The following MYCBPAP variants were observed in gnomAD, a reference collection of about 807,000 sequenced individuals.
The protein encoded by MYCBPAP is MYCBP-associated protein.
MYCBPAP carries 60 observed loss-of-function variants against 106.1 expected under a neutral mutation model. The observed-to-expected ratio is 0.57, with a 90% CI of 0.46 to 0.70. MYCBPAP has a LOEUF of 0.70. Ranked by LOEUF, MYCBPAP falls within the 30% of genes least tolerant of loss-of-function variation. The pLI, the probability that MYCBPAP is intolerant of heterozygous loss-of-function variation, is 0.00. For synonymous variants in MYCBPAP, 407 were observed against 440.6 expected (o/e 0.92, Z 0.95); for missense variants, 1,064 against 1,169.3 (o/e 0.91, Z 1.31).
chr17:50,516,495 T>C (rs2034056316), intron 1 of MYCBPAP, 75 bp from the exon 2 acceptor site: 6 of 1,511,924 alleles, frequency 4.0e-6, no homozygotes, highest in African/African-American at 1.4e-5. Flanking sequence ...ATTTTTACTT[T>C]TATTTTTGTA....
intron 1 of MYCBPAP, 94 bp from the exon 2 acceptor site, chr17:50,516,476 C>G: frequency 7.1e-7 from 1 of 1,403,464 alleles, no homozygotes; most frequent in Non-Finnish European, 9.5e-7. Context: ...ACCATGGAGT[C>G]TAGTATATAT....
At chr17:50,509,069 G>A (rs1260051181) in intron 1 of MYCBPAP, 2 of 702,916 alleles carry the variant, frequency 2.8e-6, no homozygotes, top group African/African-American at 1.7e-5. Flanking sequence ...AGGATCCCCG[G>A]ACTGGATGAA....
Position 50,528,164 on chromosome 17 carries a change from G to C in MYCBPAP, c.2301G>C (p.Leu767=), listed in dbSNP as rs1237388162. Reference sequence around the variant, plus strand: ...GTGTCTTGCCCTCTAGTTTGCAGCTGTGGCGAGATGTGATTGACAGCCTGG... The same window carrying C: ...GTGTCTTGCCCTCTAGTTTGCAGCTCTGGCGAGATGTGATTGACAGCCTGG... The part of the protein sequence containing the change: ...SNLLHQMCLQ[L]WRDVIDSLVG... Residue 767 remains leucine, a synonymous_variant, in exon 16 of 19, where the codon CTG becomes CTC. Transcript: ENST00000323776. 6.2e-7 allele frequency: 1 copy of C among 1,614,088 alleles called. No homozygotes were observed. Among genetic ancestry groups the C allele is most frequent in the Admixed American group, 1.7e-5 (1 of 60,014 alleles).
chr17:50,528,905 G>A, intron 17 of MYCBPAP, 65 bp downstream of exon 17: 1 of 1,602,288 alleles, frequency 6.2e-7, no homozygotes, highest in Non-Finnish European at 8.5e-7. Flanking sequence ...TGCGGAGGTG[G>A]GGGCTGTGGA....
chr17:50,529,063 G>A lies in MYCBPAP; in HGVS notation c.2599G>A (p.Val867Ile). The A allele has an allele frequency of 6.2e-7, 1 of 1,614,144 alleles. No homozygotes were observed. The highest frequency in any genetic ancestry group is 8.5e-7 in the Non-Finnish European group (1 of 1,180,036). ...GCACAAGGCAAAGGATGACAAGAAA[G>A]TCATAAAATCTGCAAGTCAGGACAG... ...KKHKAKDDKK[V>I]IKSASQDRFS... Residue 867 changes from valine (V) to isoleucine (I), a missense_variant, in exon 18 of 19, where the codon GTC (valine) becomes ATC (isoleucine). Coordinates refer to ENST00000323776, the MANE Select transcript of MYCBPAP (RefSeq NM_032133.6).
intron 11 of MYCBPAP, 38 bp from the exon 12 acceptor site, chr17:50,523,559 C>T (rs758859429): frequency 1.2e-6 from 2 of 1,607,596 alleles, no homozygotes; most frequent in Non-Finnish European, 1.7e-6. Flanking sequence ...TCAGCCAGCT[C>T]CTGCATGTTG....
rs372372435 is a variant in MYCBPAP at position 50,517,418 on chromosome 17, T to G, written c.330T>G (p.Asn110Lys). Residue 110 changes from asparagine to lysine, a missense_variant, in exon 3 of 19, where the codon AAT becomes AAG. Asn to Lys is a moderately conservative substitution (Grantham distance 94, BLOSUM62 0). Transcript: ENST00000323776. ...KVCHLVARPA[N>K]PDEATKPLDY... The stretch of plus-strand genomic sequence containing the variant: ...GCCACCTTGTAGCACGTCCTGCGAA[T>G]CCTGATGAAGCCACAAAGCCTCTGG... 3.7e-6 allele frequency: 6 copies of G among 1,614,070 alleles called. No individual in the cohort carries two copies. The highest frequency in any genetic ancestry group is 5.1e-6 in the Non-Finnish European group (6 of 1,180,032).
Position 50,517,305 on chromosome 17 carries a change from C to T in MYCBPAP, c.217C>T (p.Arg73Cys), listed in dbSNP as rs373757291. 40 of 1,613,974 alleles carry T rather than the reference C, an allele frequency of 2.5e-5. No individual in the cohort carries two copies. The highest frequency in any genetic ancestry group is 1.1e-4 in the South Asian group (10 of 91,072). The change falls in exon 3 of 19, where the codon CGC becomes TGC. Residue 73 changes from arginine to cysteine, a missense_variant. Arg to Cys is a radical substitution (Grantham distance 180). Coordinates refer to ENST00000323776, the MANE Select transcript of MYCBPAP (RefSeq NM_032133.6). The part of the protein sequence containing the change: ...KEDLKEQHIP[R>C]LTEKEDKRVI... ...TATTTCTTTTTAGCAACACATTCCT[C>T]GCCTTACTGAAAAGGAAGATAAACG... is the stretch of plus-strand genomic sequence containing the variant.
At position 50,518,964 on chromosome 17, in the gene MYCBPAP, C is replaced by T. The variant is rs1409217544; in HGVS notation, c.653-10C>T. 2 of 1,611,710 alleles carry T rather than the reference C, an allele frequency of 1.2e-6. No homozygotes were observed. Among genetic ancestry groups the T allele is most frequent in the Non-Finnish European group, 1.7e-6 (2 of 1,178,360 alleles). ...CGGCAGAGTGGCGGCAATCTTGCCT[C>T]TCTCTCTAGAACACCTAAAGAAGCC... On this transcript the variant is annotated splice_polypyrimidine_tract_variant and intron_variant, in intron 5 of 18. Coordinates refer to ENST00000323776, the MANE Select transcript of MYCBPAP (RefSeq NM_032133.6).
intron 12 of MYCBPAP, among the ~76,000 whole-genome samples, chr17:50,524,515 C>T (rs2034385360): frequency 6.6e-6 from 1 of 152,150 alleles, no homozygotes; most frequent in Non-Finnish European, 1.5e-5. Flanking sequence ...TGAAGGTTCA[C>T]CACCATCCTC....
intron 18 of MYCBPAP, chr17:50,530,160 G>C (rs2034588078): frequency 2.5e-6 from 1 of 393,800 alleles, no homozygotes; most frequent in African/African-American, 2.1e-5. Flanking sequence ...AGGACCCATG[G>C]GGGTCAACGT....
chr17:50,509,245 C>T, intron 1 of MYCBPAP: 1 of 683,054 alleles, frequency 1.5e-6, no homozygotes, highest in South Asian at 1.5e-5. Context: ...CTGGAAAAAC[C>T]CAGAAGAAAG....
intron 14 of MYCBPAP, 40 bp from the exon 15 acceptor site, chr17:50,527,246 CT>C (rs1597847498): frequency 6.2e-7 from 1 of 1,612,050 alleles, no homozygotes; most frequent in African/African-American, 1.3e-5. Context: ...AGGACACAGC[CT>C]TGGTGTCCTG....
In MYCBPAP at chr17:50,523,093, A is replaced by G; in HGVS notation, c.1412A>G (p.Asn471Ser). 1 of 1,614,000 alleles carries G rather than the reference A, an allele frequency of 6.2e-7. No individual in the cohort carries two copies. Among genetic ancestry groups the G allele is most frequent in the Non-Finnish European group, 8.5e-7 (1 of 1,179,932 alleles). Residue 471 changes from asparagine to serine, a missense_variant, in exon 11 of 19, where the codon AAC (asparagine) becomes AGC (serine). Physicochemically the swap from Asn to Ser is conservative, Grantham distance 46 (BLOSUM62 1). Coordinates refer to ENST00000323776, the MANE Select transcript of MYCBPAP (RefSeq NM_032133.6). The stretch of plus-strand genomic sequence containing the variant: ...GACACTTTCCAAGACCTTAAGAAAA[A>G]CAGGATGCAGCGATTTTACTTTGAC... ...QPDTFQDLKK[N>S]RMQRFYFDNR...
Position 50,518,754 on chromosome 17 carries a change from G to A in MYCBPAP, c.652+30G>A, listed in dbSNP as rs369165339. ...GCAGAGCAGACAGGGCTCCCGCCCG[G>A]CCTCCATCTGGCAGCAAGGCTCTGC... On this transcript the variant is annotated intron_variant, in intron 5 of 18. Transcript: ENST00000323776. The A allele has an allele frequency of 3.9e-6, 6 of 1,552,596 alleles. No individual in the cohort carries two copies. In the Admixed American group the frequency reaches 8.2e-5, roughly 21 times the overall value.
chr17:50,528,406 A>C (rs1168597006), intron 16 of MYCBPAP, 136 bp downstream of exon 16: 2 of 840,448 alleles, frequency 2.4e-6, no homozygotes, highest in Non-Finnish European at 1.9e-6. Flanking sequence ...TAGGCCCCTT[A>C]CCCCTTTCTG....
chr17:50,514,991 G>T (rs756834454), intron 1 of MYCBPAP: 3 of 367,984 alleles, frequency 8.2e-6, no homozygotes, highest in Non-Finnish European at 1.7e-5. Flanking sequence ...ACGATATGGC[G>T]GCTGCTGCTG....
chr17:50,530,017 G>T (rs2034583650), intron 18 of MYCBPAP: 3 of 370,160 alleles, frequency 8.1e-6, no homozygotes, highest in Non-Finnish European at 1.6e-5. Context: ...GTGGATAGCT[G>T]GGGAGCTGGG....
At position 50,524,914 on chromosome 17, in the gene MYCBPAP, G is replaced by T. The variant is rs372142298; in HGVS notation, c.1673G>T (p.Arg558Leu). The T allele has an allele frequency of 1.2e-6, 2 of 1,613,858 alleles. No homozygotes were observed. The highest frequency in any genetic ancestry group is 2.7e-5 in the African/African-American group (2 of 74,926). The change falls in exon 13 of 19, where the codon CGC becomes CTC. Residue 558 changes from arginine to leucine, a missense_variant. Coordinates refer to ENST00000323776, the MANE Select transcript of MYCBPAP (RefSeq NM_032133.6). ...LTAHEAVTVV[R>L]EVLQELLMGV... is the part of the protein sequence containing the mutation. ...GCCCATGAGGCAGTCACCGTCGTTC[G>T]CGAAGTGCTGCAGGAGCTGCTGATG...
Sources: gnomAD v4.1 joint callset for allele counts (sites outside exome capture counted in the v4.1 genomes callset) on GRCh38, gnomAD v4.1.1 for gene constraint, MANE v1.5 for transcripts, NCBI Gene and HGNC (gene_info 2026-07-23, HGNC 2026-07-21) for gene names.